The following PLEKHJ1 variants were observed in gnomAD, a reference collection of about 807,000 sequenced individuals.
PLEKHJ1 encodes the protein pleckstrin homology domain-containing family J member 1.
PLEKHJ1 carries 20 observed loss-of-function variants against 21.7 expected under a neutral mutation model. The observed-to-expected ratio is 0.92, with a 90% CI of 0.65 to 1.34. The LOEUF (loss-of-function observed/expected upper bound fraction) is 1.34. PLEKHJ1 is among the 40% of genes most tolerant of loss of function. The pLI is 0.00. For missense variants in PLEKHJ1, 241 were observed against 202.0 expected (o/e 1.19, Z -1.17); for synonymous variants, 113 against 80.6 (o/e 1.40, Z -2.15).
chr19:2,231,714 G>T, downstream of PLEKHJ1: 1 of 213,798 alleles, frequency 4.7e-6, no homozygotes. Flanking sequence ...TACGCCACAG[G>T]GTTGATGGCA....
At chr19:2,230,413 A>G (rs1351505022), downstream of PLEKHJ1, 1 of 398,226 alleles carries the variant, frequency 2.5e-6, no homozygotes, top group African/African-American at 2.1e-5. Flanking sequence ...CAGACTGTTC[A>G]CCCTCCGGGG....
Position 2,235,903 on chromosome 19 carries a change from C to A in PLEKHJ1, c.162+20G>T, listed in dbSNP as rs1215478075. On this transcript the variant is annotated intron_variant, in intron 2 of 5. Coordinates refer to ENST00000326631, the MANE Select transcript of PLEKHJ1 (RefSeq NM_018049.3). ...AGGGGCCCAGCCTGGGACCCGCCCG[C>A]GCGCCCGGGACGCCCCTACCTCGGC... is the stretch of plus-strand genomic sequence containing the variant. 1.2e-6 allele frequency: 2 copies of A among 1,606,196 alleles called. No individual in the cohort carries two copies. Among genetic ancestry groups the A allele is most frequent in the African/African-American group, 1.3e-5 (1 of 74,844 alleles).
downstream of PLEKHJ1, chr19:2,230,732 G>A: frequency 2.5e-6 from 1 of 397,722 alleles, no homozygotes; most frequent in Non-Finnish European, 4.4e-6. Context: ...CAGTGAAGAG[G>A]AAAGAAAAGC....
rs1419962147 is a variant in PLEKHJ1, at chr19:2,236,252, T to C, written c.-4A>G. 7.2e-7 allele frequency: 1 copy of C among 1,390,046 alleles called. No homozygotes were observed. 86.1% of individuals were successfully genotyped at this position (1,390,046 alleles called of 1,614,324 possible). ...GCTCCTTCTCGTTGTACCGCATGGC[T>C]CCGCGGGGAACGGGAACCCGGGCCG... On this transcript the variant is annotated 5_prime_UTR_variant, in exon 1 of 6. Transcript: ENST00000326631.
intron 3 of PLEKHJ1, 104 bp downstream of exon 3, chr19:2,235,658 C>T (rs952596393): frequency 2.1e-6 from 2 of 941,086 alleles, no homozygotes; most frequent in Admixed American, 5.1e-5. Context: ...TGGCGCCAGG[C>T]TGGGGACACA....
At chr19:2,232,482 T>C, downstream of PLEKHJ1, 1 of 222,004 alleles carries the variant, frequency 4.5e-6, no homozygotes, top group Non-Finnish European at 9.0e-6. Context: ...ATTGTCACGG[T>C]CCGCCCCTGG....
downstream of PLEKHJ1, chr19:2,232,606 A>G (rs2024653750): frequency 5.3e-6 from 1 of 190,382 alleles, no homozygotes; most frequent in African/African-American, 2.3e-5. Context: ...CCTTTCTTCC[A>G]GGTGGCATGA....
chr19:2,235,662 G>A (rs2024781693), intron 3 of PLEKHJ1, 100 bp downstream of exon 3: 2 of 975,464 alleles, frequency 2.1e-6, no homozygotes, highest in East Asian at 2.6e-5. Flanking sequence ...GCCAGGCTGG[G>A]GACACAGAGG....
downstream of PLEKHJ1, chr19:2,230,231 C>T (rs894751286): frequency 7.0e-5 from 29 of 414,716 alleles, no homozygotes; most frequent in Middle Eastern, 1.2e-3. Flanking sequence ...CAACGCCGAA[C>T]CCCGTTCTCG....
rs1455011196 is a variant in PLEKHJ1, at chr19:2,236,152, C to A, written c.94+3G>T. 11 of 1,474,592 alleles carry A rather than the reference C, an allele frequency of 7.5e-6. No individual in the cohort carries two copies. Among genetic ancestry groups the A allele is most frequent in the Non-Finnish European group, 9.9e-6 (11 of 1,115,292 alleles). 91.3% of individuals were successfully genotyped at this position (1,474,592 alleles called of 1,614,324 possible). A position where few individuals can be genotyped will look rare whatever the true frequency, so the allele number is the denominator to read the frequency against. On this transcript the variant is annotated splice_donor_region_variant and intron_variant, in intron 1 of 5. Transcript: ENST00000326631. ...CTGTCTCGGTCTCCCGGGTCCCGCT[C>A]ACCGCTGCCCTTCTTGGGGCCCCTC...
chr19:2,236,038 C>T, intron 1 of PLEKHJ1, 48 bp from the exon 2 acceptor site: 1 of 1,524,238 alleles, frequency 6.6e-7, no homozygotes, highest in Non-Finnish European at 8.8e-7. Context: ...CCCGCCCGGA[C>T]CCCGGCCTCC....
rs766295515 is a variant in PLEKHJ1 at position 2,234,003 on chromosome 19, C to A, written c.379G>T (p.Gly127Cys). The A allele has an allele frequency of 3.1e-6, 5 of 1,613,108 alleles. No homozygotes were observed. In the Admixed American group the frequency reaches 5.0e-5, roughly 16 times the overall value. The change falls in exon 5 of 6, where the codon GGC (glycine) becomes TGC (cysteine). Residue 127 changes from glycine to cysteine, a missense_variant. Physicochemically the swap from Gly to Cys is radical, Grantham distance 159 (BLOSUM62 -3). Coordinates refer to ENST00000326631, the MANE Select transcript of PLEKHJ1 (RefSeq NM_018049.3). ...CTCTGCAGCCCTGCACACACCTTGC[C>A]CGTCACCTTCCGGATTTCGTTCCTG... is the stretch of plus-strand genomic sequence containing the variant. ...FYRNEIRKVTGKDPLEQFGIS... is the reference protein window; with the variant it reads ...FYRNEIRKVTCKDPLEQFGIS...
In PLEKHJ1 at chr19:2,233,676, TCA is replaced by T; in HGVS notation, c.*162_*163del. ...ATCACTTGAGTCCAGAAGGTCAAGG[TCA>T]CAGTGAGCTGTGGCACCACTGCACT... On this transcript the variant is annotated 3_prime_UTR_variant, in exon 6 of 6. Transcript: ENST00000326631. 1 of 629,238 alleles carries T rather than the reference TCA, an allele frequency of 1.6e-6. No homozygotes were observed. Among genetic ancestry groups the T allele is most frequent in the South Asian group, 2.0e-5 (1 of 49,574 alleles). 39.0% of individuals were successfully genotyped at this position (629,238 alleles called of 1,614,324 possible).
rs949415627 is a variant in PLEKHJ1 at position 2,233,423 on chromosome 19, G to A, written c.*417C>T. The A allele has an allele frequency of 8.8e-6, 2 of 226,366 alleles. No individual in the cohort carries two copies. Among genetic ancestry groups the A allele is most frequent in the Admixed American group, 5.5e-5 (1 of 18,238 alleles). 14.0% of individuals were successfully genotyped at this position (226,366 alleles called of 1,614,324 possible). ...CTGTGGGAAGGCGCATATCCTGGCG[G>A]CAGCAGCACGTGGCACCAGGTGCCA... On this transcript the variant is annotated 3_prime_UTR_variant, in exon 6 of 6. Coordinates refer to ENST00000326631, the MANE Select transcript of PLEKHJ1 (RefSeq NM_018049.3).
rs771876030 is a variant in PLEKHJ1, at chr19:2,233,812, G to A, written c.*28C>T. The A allele has an allele frequency of 1.4e-5, 22 of 1,572,040 alleles. No homozygotes were observed. Among genetic ancestry groups the A allele is most frequent in the Admixed American group, 5.5e-5 (3 of 54,592 alleles). On this transcript the variant is annotated 3_prime_UTR_variant, in exon 6 of 6. Coordinates refer to ENST00000326631, the MANE Select transcript of PLEKHJ1 (RefSeq NM_018049.3). ...GGCTGGGCAGGGCCAGTCCCGTCCC[G>A]CTGCACGCTGACCACCGTGCCCTGC...
chr19:2,234,516 G>C (rs1247441369), intron 3 of PLEKHJ1: 1 of 404,352 alleles, frequency 2.5e-6, no homozygotes, highest in Non-Finnish European at 4.5e-6. Context: ...TTCGAGACCA[G>C]CCTGGGTGAC....
intron 2 of PLEKHJ1, 25 bp downstream of exon 2, chr19:2,235,898 G>A (rs1213988626): frequency 1.7e-5 from 27 of 1,604,002 alleles, no homozygotes; most frequent in Non-Finnish European, 2.3e-5. Flanking sequence ...CCTGGGACCC[G>A]CCCGCGCGCC....
chr19:2,235,659 TGGGGACACA>T, intron 3 of PLEKHJ1, 94 bp downstream of exon 3: 1 of 947,640 alleles, frequency 1.1e-6, no homozygotes, highest in Admixed American at 2.5e-5. Context: ...GGCGCCAGGC[TGGGGACACA>T]GAGGAGACCT....
rs754541193 is a variant in PLEKHJ1 at position 2,233,409 on chromosome 19, C to T, written c.*431G>A. On this transcript the variant is annotated 3_prime_UTR_variant, in exon 6 of 6. Coordinates refer to ENST00000326631, the MANE Select transcript of PLEKHJ1 (RefSeq NM_018049.3). ...CTCAGGCAGGGCACCTGTGGGAAGGCGCATATCCTGGCGGCAGCAGCACGT... is the reference window on the plus strand; with the variant it reads ...CTCAGGCAGGGCACCTGTGGGAAGGTGCATATCCTGGCGGCAGCAGCACGT... The T allele has an allele frequency of 1.4e-5, 3 of 217,762 alleles. No homozygotes were observed. The highest frequency in any genetic ancestry group is 2.8e-5 in the Non-Finnish European group (3 of 108,350). 13.5% of individuals were successfully genotyped at this position (217,762 alleles called of 1,614,324 possible). A position where few individuals can be genotyped will look rare whatever the true frequency, so the allele number is the denominator to read the frequency against.
Sources: gnomAD v4.1 joint callset for allele counts on GRCh38, gnomAD v4.1.1 for gene constraint, MANE v1.5 for transcripts, NCBI Gene and HGNC (gene_info 2026-07-23, HGNC 2026-07-21) for gene names.